Variants in TRIO observed in about 807,000 individuals in gnomAD.
The protein encoded by TRIO is trio Rho guanine nucleotide exchange factor.
In TRIO, 58 loss-of-function variants were observed where a neutral mutation model predicts 351.9. That is an observed-to-expected ratio of 0.16 (90% CI 0.13 to 0.21). The LOEUF (loss-of-function observed/expected upper bound fraction) is 0.21, where lower values mean the gene tolerates loss of function less well. Among genes scored for constraint, TRIO ranks in the 10% least tolerant of loss-of-function variants. TRIO has a pLI of 1.00. For missense variants in TRIO, 3,201 were observed against 4,027.8 expected, an observed-to-expected ratio of 0.79 and a Z score of 5.56; for synonymous variants, 1,758 against 1,595.7, an observed-to-expected ratio of 1.10 and a Z score of -2.42.
rs1416330668 is a variant in TRIO, at chr5:14,173,256, G to A, written c.157+29374G>A. Among the ~76,000 whole-genome samples the A allele has an allele frequency of 4.8e-5, 7 of 146,834 alleles. No homozygotes were observed. The East Asian group carries it at 9.9e-4, about 21-fold the overall frequency. On this transcript the variant is annotated intron_variant, in intron 1 of 56. Coordinates refer to ENST00000344204, the MANE Select transcript of TRIO (RefSeq NM_007118.4). ...TTATTTTTTTGAGACAGAAACACAGGCTGGAGTGCAGTGGCGAGATCTAGG... is the reference window on the plus strand; with the variant it reads ...TTATTTTTTTGAGACAGAAACACAGACTGGAGTGCAGTGGCGAGATCTAGG...
chr5:14,485,388 A>G (rs1269492368), intron 47 of TRIO, 142 bp downstream of exon 47: 3 of 867,894 alleles, frequency 3.5e-6, no homozygotes, highest in Non-Finnish European at 4.8e-6. Flanking sequence ...ATATTGCTTT[A>G]TTTCATCTTC....
intron 49 of TRIO, among the ~76,000 whole-genome samples, chr5:14,495,070 CATTA>C (rs1457501146): frequency 6.6e-6 from 1 of 152,170 alleles, no homozygotes; most frequent in African/African-American, 2.4e-5. Flanking sequence ...AGAATGTTAA[CATTA>C]ATTAACAGTG....
At chr5:14,170,272 T>C (rs1035261496) in intron 1 of TRIO, among the ~76,000 whole-genome samples, 8 of 152,316 alleles carry the variant, frequency 5.3e-5, no homozygotes, top group African/African-American at 1.9e-4. Flanking sequence ...CTTTTTTCTT[T>C]CGTAATTAAA....
intron 1 of TRIO, among the ~76,000 whole-genome samples, chr5:14,229,204 G>A (rs1793244859): frequency 6.6e-6 from 1 of 151,890 alleles, no homozygotes; most frequent in African/African-American, 2.4e-5. Context: ...AACAGGGTAT[G>A]TCTGATCTAG....
At chr5:14,285,994 C>A (rs1410408523) in intron 3 of TRIO, among the ~76,000 whole-genome samples, 2 of 152,248 alleles carry the variant, frequency 1.3e-5, no homozygotes, top group African/African-American at 2.4e-5. Context: ...TTTAAGGACA[C>A]CTTAACTCTT....
At chr5:14,268,485 G>T (rs1019076135) in intron 1 of TRIO, among the ~76,000 whole-genome samples, 1 of 152,196 alleles carries the variant, frequency 6.6e-6, no homozygotes, top group African/African-American at 2.4e-5. Flanking sequence ...TCTAGTGTCG[G>T]AGCCAGGGCT....
chr5:14,470,471 T>G (rs1257912948), intron 37 of TRIO, among the ~76,000 whole-genome samples: 2 of 152,258 alleles, frequency 1.3e-5, no homozygotes, highest in South Asian at 2.1e-4. Flanking sequence ...ATAAATCTTA[T>G]GTGTTCTGTG....
Position 14,471,379 on chromosome 5 carries a change from T to C in TRIO, c.5825T>C (p.Phe1942Ser). Residue 1942 changes from phenylalanine to serine, a missense_variant, in exon 38 of 57, where the codon TTC becomes TCC. Coordinates refer to ENST00000344204, the MANE Select transcript of TRIO (RefSeq NM_007118.4). The part of the protein sequence containing the change: ...VDQGDSSSPS[F>S]NPSDNSLLSS... Reference sequence around the variant, plus strand: ...CAGGGAGATAGTAGCAGCCCTTCCTTCAACCCTTCGGATAATTCCCTTCTC... The same window carrying C: ...CAGGGAGATAGTAGCAGCCCTTCCTCCAACCCTTCGGATAATTCCCTTCTC... The C allele has an allele frequency of 6.2e-7, 1 of 1,614,152 alleles. No homozygotes were observed. Among genetic ancestry groups the C allele is most frequent in the Non-Finnish European group, 8.5e-7 (1 of 1,180,038 alleles).
rs1756581399 is a variant in TRIO at position 14,492,759 on chromosome 5, T to C, written c.7825T>C (p.Phe2609Leu). The C allele has an allele frequency of 2.5e-6, 4 of 1,614,182 alleles. No homozygotes were observed. The highest frequency in any genetic ancestry group is 3.4e-6 in the Non-Finnish European group (4 of 1,180,042). The change falls in exon 49 of 57, where the codon TTT becomes CTT. Residue 2609 changes from phenylalanine to leucine, a missense_variant. Physicochemically the swap from Phe to Leu is conservative, Grantham distance 22 (BLOSUM62 0). This residue lies in a region of TRIO where 1,089 missense variants were observed against 954.9 expected (regional missense o/e 1.14). Coordinates refer to ENST00000344204, the MANE Select transcript of TRIO (RefSeq NM_007118.4). Reference protein sequence around the residue: ...CPAAEGWIPGFVLGHTSAVIV... With the variant: ...CPAAEGWIPGLVLGHTSAVIV... ...CGCAGCTGAGGGCTGGATTCCAGGC[T>C]TTGTCCTGGGCCACACCAGTGCAGT...
rs1173121592 is a variant in TRIO at position 14,396,443 on chromosome 5, C to CTT, written c.4312-557_4312-556dup. On this transcript the variant is annotated intron_variant, in intron 28 of 56. Transcript: ENST00000344204. ...ATAATAATTAAATATTTCTATTTAT[C>CTT]TTTTTTTTTTTTTTTTTTTTTTTTT... 8.7e-4 allele frequency among the ~76,000 whole-genome samples: 36 copies of CTT among 41,546 alleles called. 5 individuals carry two copies. Among genetic ancestry groups the CTT allele is most frequent in the Non-Finnish European group, 9.5e-4 (21 of 22,176 alleles). The allele number at this position is 41,546 out of a possible 152,430, so 27.3% of individuals were successfully genotyped here.
chr5:14,375,229 C>T (rs1441052177), intron 19 of TRIO, among the ~76,000 whole-genome samples: 4 of 152,136 alleles, frequency 2.6e-5, no homozygotes, highest in African/African-American at 7.2e-5. Context: ...CAAAAGCAAC[C>T]GTTTTTCTGC....
intron 1 of TRIO, among the ~76,000 whole-genome samples, chr5:14,247,545 GAAACTTT>G (rs1794508571): frequency 6.6e-6 from 1 of 152,126 alleles, no homozygotes; most frequent in Non-Finnish European, 1.5e-5. Flanking sequence ...CCCTGTTTGG[GAAACTTT>G]ACTGAATTTT....
intron 9 of TRIO, among the ~76,000 whole-genome samples, chr5:14,328,197 A>G (rs1004499290): frequency 5.9e-5 from 9 of 152,236 alleles, no homozygotes; most frequent in Admixed American, 1.3e-4. Context: ...AGTTAAAACA[A>G]CGCGCTCAAT....
In TRIO at chr5:14,497,989, G is replaced by C. The variant is rs894627891; in HGVS notation, c.8048-100G>C. ...GAGTTTTCCGTGGCGCTCTAGGCGT[G>C]CATAGCAGGTTAGGTCCTATCAATC... is the stretch of plus-strand genomic sequence containing the variant. On this transcript the variant is annotated intron_variant, in intron 51 of 56. Transcript: ENST00000344204. This position sits in a 1 kb window ranked among gnomAD's most constrained non-coding sequence, Gnocchi z 4.4. The C allele has an allele frequency of 3.1e-6, 5 of 1,609,994 alleles. No individual in the cohort carries two copies. The Admixed American group carries it at 6.7e-5, about 22-fold the overall frequency.
intron 18 of TRIO, among the ~76,000 whole-genome samples, chr5:14,372,107 C>T (rs1413495384): frequency 6.6e-6 from 1 of 152,044 alleles, no homozygotes; most frequent in Non-Finnish European, 1.5e-5. Context: ...GGCATTTCCC[C>T]CATTCCAGAT....
At chr5:14,456,810 A>G (rs1579709777) in intron 34 of TRIO, among the ~76,000 whole-genome samples, 1 of 152,248 alleles carries the variant, frequency 6.6e-6, no homozygotes, top group East Asian at 1.9e-4. Context: ...TTCGCATCAA[A>G]GTAGCTGATT....
At chr5:14,260,983 C>T (rs42485) in intron 1 of TRIO, among the ~76,000 whole-genome samples, 132,983 of 152,204 alleles carry the variant, frequency 0.87, 58,348 homozygotes, top group East Asian at 0.98. Context: ...ATGAGGATTG[C>T]GGCTTCAGTG....
At chr5:14,209,054 G>T (rs1288457799) in intron 1 of TRIO, among the ~76,000 whole-genome samples, 1 of 152,176 alleles carries the variant, frequency 6.6e-6, no homozygotes, top group Non-Finnish European at 1.5e-5. Flanking sequence ...TTATTCGACA[G>T]GTCGCAGTTT....
Position 14,364,757 on chromosome 5 carries a change from C to T in TRIO, c.2695C>T (p.His899Tyr). 1 of 1,612,506 alleles carries T rather than the reference C, an allele frequency of 6.2e-7. No homozygotes were observed. The highest frequency in any genetic ancestry group is 1.1e-5 in the South Asian group (1 of 91,016). ...QQELDLAAEQ[H>Y]RKHLEQCVQL... The stretch of plus-strand genomic sequence containing the variant: ...GGAATTGGATTTAGCCGCAGAGCAG[C>T]ATCGGAAACACCTGGAGCAGTGCGT... Residue 899 changes from histidine (H) to tyrosine (Y), a missense_variant, in exon 15 of 57, where the codon CAT becomes TAT. Physicochemically the swap from His to Tyr is moderately conservative, Grantham distance 83 (BLOSUM62 2). Transcript: ENST00000344204.
Sources: gnomAD v4.1 joint callset for allele counts (sites outside exome capture counted in the v4.1 genomes callset) on GRCh38, gnomAD v4.1.1 for gene constraint, gnomAD v4.1.1 regional missense constraint, Gnocchi (gnomAD v3.1) non-coding constraint, MANE v1.5 for transcripts, NCBI Gene and HGNC (gene_info 2026-07-23, HGNC 2026-07-21) for gene names.